Variants in SLC4A4 observed in about 807,000 individuals in gnomAD.
SLC4A4 encodes solute carrier family 4 member 4.
SLC4A4 carries 27 observed loss-of-function variants against 111.5 expected under a neutral mutation model. The observed-to-expected ratio is 0.24, with a 90% CI of 0.18 to 0.33. The LOEUF (loss-of-function observed/expected upper bound fraction) is 0.33, where lower values mean the gene tolerates loss of function less well. SLC4A4 is among the 10% of genes least tolerant of loss of function. The pLI is 1.00. For missense variants in SLC4A4, 909 were observed against 1,315.5 expected (o/e 0.69, Z 4.78); for synonymous variants, 443 against 463.4 (o/e 0.96, Z 0.57).
chr4:71,227,640 G>A (rs2149028870), intron 1 of SLC4A4, among the ~76,000 whole-genome samples: 1 of 152,228 alleles, frequency 6.6e-6, no homozygotes. Context: ...TCTGCTGCTG[G>A]TTTGGGTCTG....
intron 23 of SLC4A4, among the ~76,000 whole-genome samples, chr4:71,561,145 A>C (rs1475710673): frequency 2.0e-5 from 3 of 151,776 alleles, no homozygotes; most frequent in East Asian, 3.9e-4. Flanking sequence ...ATTCTAAAGT[A>C]GGAATATTGT....
At chr4:71,351,604 C>T (rs1248776377) in intron 5 of SLC4A4, among the ~76,000 whole-genome samples, 6 of 152,154 alleles carry the variant, frequency 3.9e-5, no homozygotes, top group Non-Finnish European at 7.4e-5. Flanking sequence ...CCTGTAATCC[C>T]AGCACTTTTG....
intron 2 of SLC4A4, among the ~76,000 whole-genome samples, chr4:71,149,943 T>C (rs900823998): frequency 1.3e-5 from 2 of 152,196 alleles, no homozygotes; most frequent in Non-Finnish European, 2.9e-5. Context: ...AATTCCTTTT[T>C]TTAAAACTAA....
At chr4:71,145,909 C>G (rs928257152) in intron 2 of SLC4A4, among the ~76,000 whole-genome samples, 47 of 152,020 alleles carry the variant, frequency 3.1e-4, no homozygotes, top group African/African-American at 1.1e-3. Flanking sequence ...CTCCTGGATT[C>G]GTTGATTTTT....
At chr4:71,280,480 TATC>T (rs1205969927) in intron 3 of SLC4A4, among the ~76,000 whole-genome samples, 2 of 152,210 alleles carry the variant, frequency 1.3e-5, no homozygotes, top group Admixed American at 6.5e-5. Flanking sequence ...CCAAGATTAA[TATC>T]ATGGAGTTTT....
chr4:71,242,487 T>C (rs1048591375), intron 2 of SLC4A4, among the ~76,000 whole-genome samples: 1 of 152,142 alleles, frequency 6.6e-6, no homozygotes, highest in South Asian at 2.1e-4. Flanking sequence ...ATAGTTTAGA[T>C]TATGGGTTTT....
intron 7 of SLC4A4, among the ~76,000 whole-genome samples, chr4:71,408,667 C>A (rs1721091435): frequency 6.6e-6 from 1 of 152,214 alleles, no homozygotes; most frequent in African/African-American, 2.4e-5. Flanking sequence ...CCAAATTTCT[C>A]TTTTTCTCTC....
In SLC4A4 at chr4:71,255,239, C is replaced by A; in HGVS notation, c.93C>A (p.Ile31=). 1.2e-6 allele frequency: 2 copies of A among 1,613,262 alleles called. No homozygotes were observed. Among genetic ancestry groups the A allele is most frequent in the South Asian group, 2.2e-5 (2 of 91,072 alleles). ...CCTTAGGCCACCATACCATTTACAT[C>A]GGAGTCCATGTGCCGAAGAGTTACA... ...EEVEGHHTIY[I]GVHVPKSYRR... is the part of the protein sequence containing the mutation. Residue 31 remains isoleucine (I), a synonymous_variant, in exon 3 of 26, where the codon ATC becomes ATA. Transcript: ENST00000264485.
At chr4:71,121,881 G>T (rs1287223002) in intron 2 of SLC4A4, among the ~76,000 whole-genome samples, 1 of 152,124 alleles carries the variant, frequency 6.6e-6, no homozygotes, top group Non-Finnish European at 1.5e-5. Flanking sequence ...CACAACGAAT[G>T]TCTGCAGGTT....
At chr4:71,462,908 G>T (rs1258304351) in intron 12 of SLC4A4, among the ~76,000 whole-genome samples, 1 of 152,004 alleles carries the variant, frequency 6.6e-6, no homozygotes, top group Non-Finnish European at 1.5e-5. Flanking sequence ...TGTCTATCTG[G>T]GATTGTCTAA....
chr4:71,066,323 A>G (rs1741515584), intron 1 of SLC4A4, among the ~76,000 whole-genome samples: 1 of 152,174 alleles, frequency 6.6e-6, no homozygotes, highest in South Asian at 2.1e-4. Flanking sequence ...GGCACAAAAC[A>G]TCATTATTCC....
intron 18 of SLC4A4, among the ~76,000 whole-genome samples, chr4:71,544,875 T>C (rs549706360): frequency 2.4e-3 from 372 of 152,184 alleles, no homozygotes; most frequent in South Asian, 5.0e-3. Context: ...GGGCAAGATT[T>C]TTTTTGTCTG....
At chr4:71,487,813 A>G (rs1303584842) in intron 15 of SLC4A4, among the ~76,000 whole-genome samples, 7 of 151,588 alleles carry the variant, frequency 4.6e-5, no homozygotes, top group African/African-American at 1.2e-4. Context: ...GATGTTTTGT[A>G]TCTTTCCTGG....
chr4:71,456,917 C>T (rs1726324066), intron 12 of SLC4A4, among the ~76,000 whole-genome samples: 1 of 152,168 alleles, frequency 6.6e-6, no homozygotes, highest in Admixed American at 6.6e-5. Context: ...TGTCACATGC[C>T]TTCATAAATG....
chr4:71,554,717 A>G (rs1284374629), intron 20 of SLC4A4, among the ~76,000 whole-genome samples: 3 of 151,826 alleles, frequency 2.0e-5, no homozygotes, highest in East Asian at 2.0e-4. Context: ...ACAAAAATGA[A>G]CAGACTATAT....
chr4:71,110,164 A>T (rs1198763582), intron 2 of SLC4A4, among the ~76,000 whole-genome samples: 2 of 152,070 alleles, frequency 1.3e-5, no homozygotes, highest in Admixed American at 6.6e-5. Flanking sequence ...TTTCTATTCA[A>T]TCATCTTCCC....
chr4:71,474,606 C>T (rs1728186892), intron 14 of SLC4A4, among the ~76,000 whole-genome samples: 1 of 151,818 alleles, frequency 6.6e-6, no homozygotes, highest in Non-Finnish European at 1.5e-5. Flanking sequence ...AATAGGCAGT[C>T]AGTAACACTG....
intron 3 of SLC4A4, among the ~76,000 whole-genome samples, chr4:71,326,746 C>T (rs2148873195): frequency 6.6e-6 from 1 of 152,106 alleles, no homozygotes; most frequent in Non-Finnish European, 1.5e-5. Context: ...AGCACCTGAG[C>T]TATTGTAAAG....
At chr4:71,376,532 CAG>C (rs1732414334) in intron 6 of SLC4A4, among the ~76,000 whole-genome samples, 2 of 149,898 alleles carry the variant, frequency 1.3e-5, no homozygotes, top group African/African-American at 4.9e-5. Flanking sequence ...AGGTTGAACA[CAG>C]AAGCAGACAA....
Sources: allele counts gnomAD v4.1 joint callset (sites outside exome capture counted in the v4.1 genomes callset), GRCh38; gene constraint gnomAD v4.1.1; transcripts MANE v1.5; gene names NCBI Gene and HGNC (gene_info 2026-07-23, HGNC 2026-07-21).